The following CACNA1C variants were observed in gnomAD, a reference collection of about 807,000 sequenced individuals.
CACNA1C encodes the protein voltage-dependent L-type calcium channel subunit alpha-1C.
In CACNA1C, 30 loss-of-function variants were observed where a neutral mutation model predicts 229.0. The ratio of observed to expected loss-of-function variants is 0.13; its 90% CI spans 0.10 to 0.18. The LOEUF (loss-of-function observed/expected upper bound fraction) is 0.18, where lower values mean the gene tolerates loss of function less well. Ranked by LOEUF, CACNA1C falls within the 10% of genes least tolerant of loss-of-function variation. The probability of loss-of-function intolerance (pLI) is 1.00; values close to 1 mark genes in which losing one functional copy is unlikely to be tolerated. For missense variants in CACNA1C, 1,658 were observed against 2,845.0 expected (o/e 0.58, Z 9.49); for synonymous variants, 1,114 against 1,132.5 (o/e 0.98, Z 0.33).
chr12:2,444,280 G>A (rs1300334185), intron 3 of CACNA1C, among the ~76,000 whole-genome samples: 1 of 152,164 alleles, frequency 6.6e-6, no homozygotes, highest in Admixed American at 6.5e-5. Context: ...TGAGTATCTT[G>A]TCAGAATCCT....
At chr12:1,996,652 A>AC (rs2040952053) in intron 1 of CACNA1C, among the ~76,000 whole-genome samples, 1 of 38,916 alleles carries the variant, frequency 2.6e-5, no homozygotes, top group Non-Finnish European at 4.9e-5. Flanking sequence ...AAAAAAAAAA[A>AC]AAACAACAAA....
chr12:2,559,600 G>C (rs941611134), intron 11 of CACNA1C, among the ~76,000 whole-genome samples: 1 of 152,234 alleles, frequency 6.6e-6, no homozygotes, highest in South Asian at 2.1e-4. Context: ...AAGGCTTACA[G>C]CTAGTAGATT....
At chr12:2,177,600 C>A (rs1001879764) in intron 3 of CACNA1C, among the ~76,000 whole-genome samples, 3 of 93,120 alleles carry the variant, frequency 3.2e-5, no homozygotes, top group African/African-American at 1.6e-4. Flanking sequence ...TTCCTTCCTT[C>A]CTTCCTTCCT....
At chr12:2,384,845 T>C (rs2098340559) in intron 3 of CACNA1C, among the ~76,000 whole-genome samples, 1 of 152,248 alleles carries the variant, frequency 6.6e-6, no homozygotes, top group African/African-American at 2.4e-5. Context: ...ACTCCTTGGC[T>C]TAGCAAATCT....
At chr12:2,233,815 T>C (rs563314269) in intron 3 of CACNA1C, among the ~76,000 whole-genome samples, 1 of 152,310 alleles carries the variant, frequency 6.6e-6, no homozygotes, top group East Asian at 1.9e-4. Context: ...GGCATCCTCC[T>C]CTTCAAACCA....
Position 2,572,356 on chromosome 12 carries a change from C to G in CACNA1C, c.1895+4562C>G, listed in dbSNP as rs189638280. On this transcript the variant is annotated intron_variant, in intron 13 of 46. Coordinates refer to ENST00000399655, the MANE Select transcript of CACNA1C (RefSeq NM_000719.7). ...TTCTCTTCTTCCTCCTCCTCCTCCTCTCCTCCTCCTTCTCCTCTTCCTCCT... is the reference window on the plus strand; with the variant it reads ...TTCTCTTCTTCCTCCTCCTCCTCCTGTCCTCCTCCTTCTCCTCTTCCTCCT... Among the ~76,000 whole-genome samples, 304 of 56,194 alleles carry G rather than the reference C, an allele frequency of 5.4e-3. 12 individuals are homozygous for G. The highest frequency in any genetic ancestry group is 7.4e-3 in the Middle Eastern group (1 of 136). The allele number at this position is 56,194 out of a possible 152,430, so 36.9% of individuals were successfully genotyped here.
upstream of CACNA1C, among the ~76,000 whole-genome samples, chr12:2,051,034 T>C (rs959444065): frequency 6.6e-6 from 1 of 152,090 alleles, no homozygotes; most frequent in African/African-American, 2.4e-5. Context: ...CAATAAGCAA[T>C]AAAGTTAATG....
intron 3 of CACNA1C, among the ~76,000 whole-genome samples, chr12:2,173,730 C>T (rs2096563896): frequency 6.6e-6 from 1 of 152,118 alleles, no homozygotes; most frequent in South Asian, 2.1e-4. Flanking sequence ...ACTGCCACCA[C>T]CACTAGGCTT....
intron 1 of CACNA1C, among the ~76,000 whole-genome samples, chr12:2,074,924 C>T (rs2062653096): frequency 1.3e-5 from 2 of 152,166 alleles, no homozygotes; most frequent in East Asian, 3.9e-4. Flanking sequence ...TTGGAAGTGC[C>T]TTTCAACCTG....
At chr12:2,415,151 T>G (rs1166652031) in intron 3 of CACNA1C, among the ~76,000 whole-genome samples, 2 of 152,228 alleles carry the variant, frequency 1.3e-5, no homozygotes, top group Non-Finnish European at 2.9e-5. Context: ...GAGGATCCAC[T>G]TTTCTGTCTT....
intron 3 of CACNA1C, among the ~76,000 whole-genome samples, chr12:2,409,121 A>T (rs2098775580): frequency 6.6e-6 from 1 of 152,128 alleles, no homozygotes; most frequent in African/African-American, 2.4e-5. Flanking sequence ...AGCACATGTG[A>T]TCATACACAC....
Position 2,585,264 on chromosome 12 carries a change from C to A in CACNA1C, c.2340-112C>A. ...GGAGAAAGGAAGATGGACTCAGACC[C>A]AGGGGATCTGTCCCCTCTGGCCCCA... On this transcript the variant is annotated intron_variant, in intron 16 of 46. Coordinates refer to ENST00000399655, the MANE Select transcript of CACNA1C (RefSeq NM_000719.7). This position sits in a 1 kb window ranked among gnomAD's most constrained non-coding sequence, Gnocchi z 4.1. The A allele has an allele frequency of 9.8e-7, 1 of 1,023,756 alleles. No individual in the cohort carries two copies. The highest frequency in any genetic ancestry group is 1.4e-6 in the Non-Finnish European group (1 of 726,194). 63.4% of individuals were successfully genotyped at this position (1,023,756 alleles called of 1,614,324 possible). A position where few individuals can be genotyped will look rare whatever the true frequency, so the allele number is the denominator to read the frequency against.
upstream of CACNA1C, chr12:2,052,940 C>A (rs1474059963): frequency 1.0e-6 from 1 of 973,414 alleles, no homozygotes; most frequent in Non-Finnish European, 1.2e-6. Flanking sequence ...GCGGGCGCGG[C>A]GGGGCTGGGC....
At chr12:2,028,011 T>C (rs1030138878) in intron 1 of CACNA1C, among the ~76,000 whole-genome samples, 1 of 152,238 alleles carries the variant, frequency 6.6e-6, no homozygotes, top group African/African-American at 2.4e-5. Context: ...CCCCTCATGC[T>C]TCATACCTGA....
At chr12:2,558,805 G>A (rs181502380) in intron 11 of CACNA1C, among the ~76,000 whole-genome samples, 9 of 152,226 alleles carry the variant, frequency 5.9e-5, no homozygotes, top group Non-Finnish European at 1.0e-4. Context: ...TTTCTCTCCC[G>A]TTTCACTAGG....
intron 3 of CACNA1C, among the ~76,000 whole-genome samples, chr12:2,159,882 G>A (rs2095759799): frequency 1.3e-5 from 2 of 152,220 alleles, no homozygotes; most frequent in African/African-American, 4.8e-5. Context: ...GGGATTATAG[G>A]CGTGAGCCAC....
chr12:2,140,090 G>T lies in CACNA1C; in HGVS notation c.477+19660G>T, dbSNP rs574006874. ...TACTAGGCTAGGAGCTTTGGAGGGC[G>T]TCCCTCCCTGCAGACCCCTCTCTCA... On this transcript the variant is annotated intron_variant, in intron 3 of 46. Transcript: ENST00000399655. 2.0e-5 allele frequency among the ~76,000 whole-genome samples: 3 copies of T among 151,246 alleles called. 1 individual carries two copies. Among genetic ancestry groups the T allele is most frequent in the Non-Finnish European group, 4.4e-5 (3 of 67,552 alleles).
At chr12:2,374,506 C>A (rs529117427) in intron 3 of CACNA1C, among the ~76,000 whole-genome samples, 1 of 152,236 alleles carries the variant, frequency 6.6e-6, no homozygotes, top group Admixed American at 6.5e-5. Context: ...TCACAGCCCA[C>A]GCCACATTGG....
chr12:2,194,425 T>A (rs2097341766), intron 3 of CACNA1C, among the ~76,000 whole-genome samples: 1 of 126,820 alleles, frequency 7.9e-6, no homozygotes. Context: ...TTCCCCCTCC[T>A]CTGAGCAGCC....
Sources: gnomAD v4.1 joint callset for allele counts (sites outside exome capture counted in the v4.1 genomes callset) on GRCh38, gnomAD v4.1.1 for gene constraint, Gnocchi (gnomAD v3.1) non-coding constraint, MANE v1.5 for transcripts, NCBI Gene and HGNC (gene_info 2026-07-23, HGNC 2026-07-21) for gene names.